EEPD1: variants seen among roughly 807,000 people sequenced by gnomAD.
EEPD1 encodes endonuclease/exonuclease/phosphatase family domain containing 1, also known as endonuclease/exonuclease/phosphatase family domain-containing protein 1.
EEPD1 carries 17 observed loss-of-function variants against 46.3 expected under a neutral mutation model. That is an observed-to-expected ratio of 0.37 (90% confidence interval 0.25 to 0.55). The LOEUF (loss-of-function observed/expected upper bound fraction) is 0.55, where lower values mean the gene tolerates loss of function less well. Ranked by LOEUF, EEPD1 falls within the 20% of genes least tolerant of loss-of-function variation. The pLI is 0.83. For synonymous variants in EEPD1, 313 were observed against 315.6 expected (o/e 0.99, Z 0.09); for missense variants, 673 against 745.6 (o/e 0.90, Z 1.13).
At chr7:36,248,514 C>CTTT (rs35722763) in intron 3 of EEPD1, among the ~76,000 whole-genome samples, 1 of 126,786 alleles carries the variant, frequency 7.9e-6, no homozygotes. Context: ...GCCAGATACT[C>CTTT]TTTTTTTTTT....
In EEPD1 at chr7:36,297,012, C is replaced by G. The variant is rs1358460046; in HGVS notation, c.1335C>G (p.Ile445Met). ...ETLKGEKDVI[I>M]LGDFGQGPDS... ...TTCCAGGAGAAAAGGATGTCATTAT[C>G]TTAGGGGATTTTGGCCAAGGGCCAG... The change falls in exon 7 of 8, where the codon ATC (isoleucine) becomes ATG (methionine). Residue 445 changes from isoleucine (I) to methionine (M), a missense_variant. Transcript: ENST00000242108. The G allele has an allele frequency of 1.2e-6, 2 of 1,614,054 alleles. No individual in the cohort carries two copies. The highest frequency in any genetic ancestry group is 3.3e-5 in the Admixed American group (2 of 59,996).
intron 6 of EEPD1, among the ~76,000 whole-genome samples, chr7:36,291,478 C>T (rs1388262592): frequency 1.3e-5 from 2 of 152,190 alleles, no homozygotes; most frequent in African/African-American, 4.8e-5. Flanking sequence ...CCCCATGGGT[C>T]GTGGCTGTTA....
intron 4 of EEPD1, among the ~76,000 whole-genome samples, chr7:36,281,598 A>G (rs1238969898): frequency 2.0e-5 from 3 of 152,236 alleles, no homozygotes; most frequent in African/African-American, 7.2e-5. Context: ...TAGTTCACAC[A>G]TGAAGTATTT....
rs1785314906 is a variant in EEPD1, at chr7:36,183,842, C to CTTTCTGTT, written c.878+28643_878+28650dup. On this transcript the variant is annotated intron_variant, in intron 2 of 7. Transcript: ENST00000242108. ...CAGTGTTTCTCCCTGGGCCCACAGCCTTTCTGTTTTATCCGGATTATTCCT... is the reference window on the plus strand; with the variant it reads ...CAGTGTTTCTCCCTGGGCCCACAGCCTTTCTGTTTTTCTGTTTTATCCGGATTATTCCT... 1.4e-5 allele frequency among the ~76,000 whole-genome samples: 2 copies of CTTTCTGTT among 147,814 alleles called. 1 individual carries two copies. Among genetic ancestry groups the CTTTCTGTT allele is most frequent in the South Asian group, 4.3e-4 (2 of 4,698 alleles).
chr7:36,268,586 C>T (rs1301975452), intron 3 of EEPD1, among the ~76,000 whole-genome samples: 1 of 152,224 alleles, frequency 6.6e-6, no homozygotes, highest in Non-Finnish European at 1.5e-5. Context: ...TACCTCCCAG[C>T]ATGCAATGCT....
chr7:36,220,728 A>G (rs376775328), intron 2 of EEPD1, among the ~76,000 whole-genome samples: 2 of 152,204 alleles, frequency 1.3e-5, no homozygotes, highest in African/African-American at 4.8e-5. Context: ...GTATTGAAAA[A>G]TGCTTTGTCC....
intron 3 of EEPD1, among the ~76,000 whole-genome samples, chr7:36,259,949 A>G (rs930315759): frequency 4.6e-5 from 7 of 152,174 alleles, no homozygotes; most frequent in African/African-American, 1.2e-4. Flanking sequence ...TTCATTTACT[A>G]TTTGGTATAC....
At chr7:36,177,126 T>TA (rs1785195694) in intron 2 of EEPD1, among the ~76,000 whole-genome samples, 1 of 152,230 alleles carries the variant, frequency 6.6e-6, no homozygotes, top group Non-Finnish European at 1.5e-5. Flanking sequence ...ATAACTTTAC[T>TA]AAAAATCATT....
At chr7:36,188,770 G>A (rs1246502565) in intron 2 of EEPD1, among the ~76,000 whole-genome samples, 1 of 151,972 alleles carries the variant, frequency 6.6e-6, no homozygotes, top group African/African-American at 2.4e-5. Context: ...AAAAAATTGA[G>A]CTCTGAACTA....
chr7:36,243,659 C>G (rs1786592230), intron 3 of EEPD1, among the ~76,000 whole-genome samples: 2 of 152,088 alleles, frequency 1.3e-5, no homozygotes, highest in South Asian at 4.2e-4. Flanking sequence ...CTAAAGGGGC[C>G]ATTTCCTTCA....
intron 7 of EEPD1, 45 bp from the exon 8 acceptor site, chr7:36,298,962 A>AC (rs1230737255): frequency 6.3e-7 from 1 of 1,598,314 alleles, no homozygotes; most frequent in Non-Finnish European, 8.5e-7. Flanking sequence ...CCCGCACCCA[A>AC]CCCCCCATCC....
rs1346676790 is a variant in EEPD1 at position 36,297,194 on chromosome 7, C to A, written c.1510+7C>A. ...TTAAAGAAGGTTTTCACAGGTGAGG[C>A]AGAACTCACTTGTCCTTTCTCCTGT... On this transcript the variant is annotated splice_region_variant and intron_variant, in intron 7 of 7. Transcript: ENST00000242108. 3.1e-6 allele frequency: 5 copies of A among 1,613,426 alleles called. No homozygotes were observed. The highest frequency in any genetic ancestry group is 4.2e-6 in the Non-Finnish European group (5 of 1,179,690).
At chr7:36,173,589 G>A (rs559037996) in intron 2 of EEPD1, among the ~76,000 whole-genome samples, 9 of 151,992 alleles carry the variant, frequency 5.9e-5, no homozygotes, top group African/African-American at 2.2e-4. Flanking sequence ...CACCATGATT[G>A]TAAGTTTCCT....
chr7:36,179,288 T>C (rs1002104727), intron 2 of EEPD1, among the ~76,000 whole-genome samples: 1 of 152,206 alleles, frequency 6.6e-6, no homozygotes, highest in Non-Finnish European at 1.5e-5. Context: ...TCTTTAAAGA[T>C]TTCTAGTTTA....
intron 2 of EEPD1, among the ~76,000 whole-genome samples, chr7:36,204,540 T>C (rs1481715708): frequency 6.6e-6 from 1 of 152,168 alleles, no homozygotes; most frequent in Non-Finnish European, 1.5e-5. Context: ...TCTGCCCACC[T>C]AAGTGAGACA....
In EEPD1 at chr7:36,299,389, C is replaced by G. The variant is rs1409575884; in HGVS notation, c.*183C>G. ...AGGACCTCCAGTGGGGGTGGCGTGC[C>G]AGGCGCGTACCCCACCAGGTGGGCA... On this transcript the variant is annotated 3_prime_UTR_variant, in exon 8 of 8. Transcript: ENST00000242108. The G allele has an allele frequency of 4.1e-6, 3 of 731,146 alleles. No individual in the cohort carries two copies. Among genetic ancestry groups the G allele is most frequent in the African/African-American group, 3.6e-5 (2 of 56,306 alleles). The allele number at this position is 731,146 out of a possible 1,614,324, so 45.3% of individuals were successfully genotyped here.
rs376690347 is a variant in EEPD1, at chr7:36,284,795, C to G, written c.1151C>G (p.Pro384Arg). The G allele has an allele frequency of 1.6e-5, 25 of 1,563,886 alleles. No individual in the cohort carries two copies. In the African/African-American group the frequency reaches 2.9e-4, roughly 18 times the overall value. Residue 384 changes from proline to arginine, a missense_variant, in exon 5 of 8, where the codon CCC becomes CGC. Pro to Arg is a moderately radical substitution (Grantham distance 103). Transcript: ENST00000242108. The stretch of plus-strand genomic sequence containing the variant: ...AACGGGCACGGGAAGCTGGCGGGCC[C>G]CAGCCCATACCTCGGGAGGTTCAAG... ...PSNGHGKLAG[P>R]SPYLGRFKVG...
chr7:36,273,778 T>C (rs1270257353), intron 3 of EEPD1, among the ~76,000 whole-genome samples: 1 of 152,204 alleles, frequency 6.6e-6, no homozygotes, highest in East Asian at 1.9e-4. Flanking sequence ...TGTTCAGTGA[T>C]GTGTGCAGGG....
At chr7:36,163,131 T>C (rs1197796095) in intron 2 of EEPD1, among the ~76,000 whole-genome samples, 1 of 151,948 alleles carries the variant, frequency 6.6e-6, no homozygotes, top group African/African-American at 2.4e-5. Flanking sequence ...GTTTCTTGAA[T>C]GGGAAAAAGC....
Sources: gnomAD v4.1 joint callset for allele counts (sites outside exome capture counted in the v4.1 genomes callset) on GRCh38, gnomAD v4.1.1 for gene constraint, MANE v1.5 for transcripts, NCBI Gene and HGNC (gene_info 2026-07-23, HGNC 2026-07-21) for gene names.